Variants in CYP4A22 observed in about 807,000 individuals in gnomAD.
CYP4A22 encodes cytochrome P450 family 4 subfamily A member 22.
CYP4A22 carries 46 observed loss-of-function variants against 56.2 expected under a neutral mutation model. That is an observed-to-expected ratio of 0.82 (90% CI 0.65 to 1.05). The LOEUF (loss-of-function observed/expected upper bound fraction) is 1.05, where lower values mean the gene tolerates loss of function less well. Ranked by LOEUF, CYP4A22 falls within the 50% of genes least tolerant of loss-of-function variation. The pLI, the probability that CYP4A22 is intolerant of heterozygous loss-of-function variation, is 0.00. For synonymous variants in CYP4A22, 193 were observed against 251.1 expected, an observed-to-expected ratio of 0.77 and a Z score of 2.19; for missense variants, 541 against 645.9, an observed-to-expected ratio of 0.84 and a Z score of 1.76.
chr1:47,144,035 G>T, intron 6 of CYP4A22, 119 bp downstream of exon 6: 1 of 1,491,218 alleles, frequency 6.7e-7, no homozygotes, highest in Non-Finnish European at 8.9e-7. Context: ...CACTCAGCCT[G>T]GGGAATTCCC....
chr1:47,147,523 T>C (rs747702319), intron 11 of CYP4A22: 5 of 801,610 alleles, frequency 6.2e-6, no homozygotes, highest in African/African-American at 1.9e-5. Flanking sequence ...CATCAACCAT[T>C]CTTTCACTCA....
rs143777632 is a variant in CYP4A22, at chr1:47,145,923, A to T, written c.1280A>T (p.Asn427Ile). 6.2e-7 allele frequency: 1 copy of T among 1,614,064 alleles called. No homozygotes were observed. Among genetic ancestry groups the T allele is most frequent in the Non-Finnish European group, 8.5e-7 (1 of 1,179,998 alleles). Residue 427 changes from asparagine to isoleucine, a missense_variant, in exon 10 of 12, where the codon AAC (asparagine) becomes ATC (isoleucine). Asn to Ile is a moderately radical substitution (Grantham distance 149, BLOSUM62 -3). This residue lies in a region of CYP4A22 where 204 missense variants were observed against 258.9 expected (regional missense o/e 0.79). Transcript: ENST00000371891. Reference sequence around the variant, plus strand: ...CACCACAACCCAAAAGTGTGGCCCAACCTAGAGGTATGTGGTCCTTGAGAG... The same window carrying T: ...CACCACAACCCAAAAGTGTGGCCCATCCTAGAGGTATGTGGTCCTTGAGAG... ...GLHHNPKVWP[N>I]LEVFDPSRFA... is the part of the protein sequence containing the mutation.
chr1:47,140,653 A>G, intron 1 of CYP4A22, 127 bp from the exon 2 acceptor site: 6 of 1,402,878 alleles, frequency 4.3e-6, no homozygotes, highest in Non-Finnish European at 5.8e-6. Flanking sequence ...ATCACAGCTC[A>G]GGTCATCAGA....
intron 1 of CYP4A22, among the ~76,000 whole-genome samples, chr1:47,139,054 A>G (rs532292351): frequency 6.6e-5 from 10 of 152,196 alleles, no homozygotes; most frequent in South Asian, 2.1e-4. Flanking sequence ...ATACCACTCC[A>G]CCTTCTTTCC....
chr1:47,146,802 T>C, intron 11 of CYP4A22: 1 of 986,630 alleles, frequency 1.0e-6, no homozygotes, highest in Non-Finnish European at 1.2e-6. Context: ...TTACATCTAT[T>C]TCCCCATTTG....
In CYP4A22 at chr1:47,137,622, A is replaced by G. The variant is rs779348753; in HGVS notation, c.137A>G (p.Lys46Arg). The G allele has an allele frequency of 6.2e-7, 1 of 1,614,088 alleles. No individual in the cohort carries two copies. The highest frequency in any genetic ancestry group is 8.5e-7 in the Non-Finnish European group (1 of 1,179,978). ...TACCTGCATAGGCAGTGGCTGCTCAAAGCCCTCCAGCAGTTCCCGTGCCCT... is the reference window on the plus strand; with the variant it reads ...TACCTGCATAGGCAGTGGCTGCTCAGAGCCCTCCAGCAGTTCCCGTGCCCT... ...QLYLHRQWLL[K>R]ALQQFPCPPS... Residue 46 changes from lysine to arginine, a missense_variant, in exon 1 of 12, where the codon AAA becomes AGA. Physicochemically the swap from Lys to Arg is conservative, Grantham distance 26. Around this residue, in one of 3 missense-constraint regions of CYP4A22, gnomAD observed 335 missense variants for 361.2 expected, o/e 0.93. Transcript: ENST00000371891.
At chr1:47,143,225 C>T in intron 4 of CYP4A22, 44 bp from the exon 5 acceptor site, 1 of 1,565,372 alleles carries the variant, frequency 6.4e-7, no homozygotes, top group Non-Finnish European at 8.7e-7. Flanking sequence ...ATTAGCAAAG[C>T]ACTTCTTGGA....
At position 47,144,417 on chromosome 1, in the gene CYP4A22, A is replaced by G. The variant is rs556570340; in HGVS notation, c.851A>G (p.Lys284Arg). ...LQKEGELEKI[K>R]RKRHLDFLDI... is the part of the protein sequence containing the mutation. Reference sequence around the variant, plus strand: ...AAGGAGGGGGAGCTGGAGAAGATCAAGAGGAAGAGGCACTTGGATTTTCTG... The same window carrying G: ...AAGGAGGGGGAGCTGGAGAAGATCAGGAGGAAGAGGCACTTGGATTTTCTG... Residue 284 changes from lysine to arginine, a missense_variant, in exon 7 of 12, where the codon AAG (lysine) becomes AGG (arginine). By Grantham distance (26) the Lys-to-Arg change is conservative. This residue lies in a region of CYP4A22 where 335 missense variants were observed against 361.2 expected (regional missense o/e 0.93). Transcript: ENST00000371891. 1 of 1,613,978 alleles carries G rather than the reference A, an allele frequency of 6.2e-7. No homozygotes were observed. The highest frequency in any genetic ancestry group is 8.5e-7 in the Non-Finnish European group (1 of 1,179,856).
In CYP4A22 at chr1:47,148,731, C is replaced by A. The variant is rs188111412; in HGVS notation, c.1494C>A (p.Ser498=). 6.8e-6 allele frequency: 11 copies of A among 1,613,970 alleles called. No homozygotes were observed. Among genetic ancestry groups the A allele is most frequent in the African/African-American group, 2.7e-5 (2 of 75,024 alleles). ...CCATGGCACGACTTGTGTTGAAATC[C>A]AAAAATGGAATCCACCTGCGTCTCA... ...PIPMARLVLK[S]KNGIHLRLRR... is the part of the protein sequence containing the mutation. The change falls in exon 12 of 12, where the codon TCC becomes TCA. Residue 498 remains serine (S), a synonymous_variant. Coordinates refer to ENST00000371891, the MANE Select transcript of CYP4A22 (RefSeq NM_001010969.4).
At chr1:47,142,962 A>G (rs1262441236) in intron 4 of CYP4A22, among the ~76,000 whole-genome samples, 3 of 152,216 alleles carry the variant, frequency 2.0e-5, no homozygotes, top group Admixed American at 6.5e-5. Context: ...AACAACAATA[A>G]CAACAAAATT....
rs751963169 is a variant in CYP4A22 at position 47,148,636 on chromosome 1, C to T, written c.1399C>T (p.Leu467=). The T allele has an allele frequency of 1.2e-6, 2 of 1,612,982 alleles. No homozygotes were observed. The highest frequency in any genetic ancestry group is 1.7e-6 in the Non-Finnish European group (2 of 1,179,530). Residue 467 remains leucine, a synonymous_variant, in exon 12 of 12, where the codon CTG becomes TTG. Transcript: ENST00000371891. ...CIGKQFAMNQ[L]KVARALTLLR... ...CGGGAAACAATTTGCCATGAACCAG[C>T]TGAAGGTGGCCAGGGCCCTGACCCT...
chr1:47,142,299 T>C, intron 4 of CYP4A22, 64 bp downstream of exon 4: 1 of 1,520,970 alleles, frequency 6.6e-7, no homozygotes, highest in Non-Finnish European at 8.8e-7. Flanking sequence ...CCAACTCCAC[T>C]CTCAACCCTG....
At chr1:47,139,416 G>C (rs546515607) in intron 1 of CYP4A22, among the ~76,000 whole-genome samples, 2 of 152,312 alleles carry the variant, frequency 1.3e-5, no homozygotes, top group African/African-American at 4.8e-5. Context: ...AGTGAGTGAG[G>C]AAGAGCTTTC....
chr1:47,143,996 T>C (rs911909), intron 6 of CYP4A22, 80 bp downstream of exon 6: 599,763 of 1,523,588 alleles, frequency 0.39, 129,215 homozygotes, highest in East Asian at 0.94. Flanking sequence ...GCAGAGAAGG[T>C]CCCTAGTAAT....
chr1:47,139,670 C>A (rs1644985535), intron 1 of CYP4A22, among the ~76,000 whole-genome samples: 1 of 152,176 alleles, frequency 6.6e-6, no homozygotes, highest in South Asian at 2.1e-4. Context: ...CACAGTAGGG[C>A]AAGCTGCCTC....
chr1:47,138,918 G>A (rs1644976319), intron 1 of CYP4A22, among the ~76,000 whole-genome samples: 1 of 152,248 alleles, frequency 6.6e-6, no homozygotes, highest in East Asian at 1.9e-4. Flanking sequence ...ACACACTTAA[G>A]TAGAGATAGG....
chr1:47,143,386 G>A lies in CYP4A22; in HGVS notation c.628G>A (p.Val210Met), dbSNP rs756801439. ...SAFSHQGSIQ[V>M]DRNSQSYIQA... is the part of the protein sequence containing the mutation. ...CTTCAGCCATCAGGGCAGCATCCAG[G>A]TGGACAGGTCAGTGACAACCCTCCA... Residue 210 changes from valine to methionine, a missense_variant, in exon 5 of 12, where the codon GTG (valine) becomes ATG (methionine). Coordinates refer to ENST00000371891, the MANE Select transcript of CYP4A22 (RefSeq NM_001010969.4). 1.2e-6 allele frequency: 2 copies of A among 1,612,790 alleles called. No homozygotes were observed. Among genetic ancestry groups the A allele is most frequent in the African/African-American group, 2.7e-5 (2 of 74,824 alleles).
At position 47,149,040 on chromosome 1, in the gene CYP4A22, T is replaced by C; in HGVS notation, c.*243T>C. ...TGTTGGGAGAAGCTGAGGCCGAGCT[T>C]GCATGTCTGACATAATGTAAAAGAG... On this transcript the variant is annotated 3_prime_UTR_variant, in exon 12 of 12. Transcript: ENST00000371891. 2.1e-6 allele frequency: 1 copy of C among 467,166 alleles called. No individual in the cohort carries two copies. The highest frequency in any genetic ancestry group is 3.6e-5 in the Admixed American group (1 of 27,720). The allele number at this position is 467,166 out of a possible 1,614,324, so 28.9% of individuals were successfully genotyped here.
At position 47,144,393 on chromosome 1, in the gene CYP4A22, A is replaced by C. The variant is rs6661132; in HGVS notation, c.827A>C (p.Lys276Thr). The C allele has an allele frequency of 0.096, 154,689 of 1,612,684 alleles. 8,997 individuals carry two copies. Among genetic ancestry groups the C allele is most frequent in the East Asian group, 0.32 (14,156 of 44,694 alleles). ...CAACTGAGGAAGGCTCAACTACAGA[A>C]GGAGGGGGAGCTGGAGAAGATCAAG... ...VIQLRKAQLQKEGELEKIKRK... is the reference protein window; with the variant it reads ...VIQLRKAQLQTEGELEKIKRK... The change falls in exon 7 of 12, where the codon AAG (lysine) becomes ACG (threonine). Residue 276 changes from lysine (K) to threonine (T), a missense_variant. Coordinates refer to ENST00000371891, the MANE Select transcript of CYP4A22 (RefSeq NM_001010969.4).
Sources: gnomAD v4.1 joint callset for allele counts (sites outside exome capture counted in the v4.1 genomes callset) on GRCh38, gnomAD v4.1.1 for gene constraint, gnomAD v4.1.1 regional missense constraint, MANE v1.5 for transcripts, NCBI Gene and HGNC (gene_info 2026-07-23, HGNC 2026-07-21) for gene names.